The following SERINC5 variants were observed in gnomAD, a reference collection of about 807,000 sequenced individuals.
The protein encoded by SERINC5 is serine incorporator 5.
A neutral mutation model predicts 63.1 loss-of-function variants in SERINC5; 41 were observed. The observed-to-expected ratio is 0.65, with a 90% CI of 0.51 to 0.84. The LOEUF is 0.84. Among genes scored for constraint, SERINC5 ranks in the 40% least tolerant of loss-of-function variants. The pLI is 0.00. For missense variants in SERINC5, 523 were observed against 573.0 expected (o/e 0.91, Z 0.89); for synonymous variants, 222 against 215.2 (o/e 1.03, Z -0.28).
chr5:80,254,377 A>C (rs907309337), intron 1 of SERINC5, among the ~76,000 whole-genome samples: 1 of 152,206 alleles, frequency 6.6e-6, no homozygotes, highest in African/African-American at 2.4e-5. Context: ...AAGTCCTAAG[A>C]GGGGAGACTT....
intron 4 of SERINC5, among the ~76,000 whole-genome samples, chr5:80,176,781 T>A (rs146695840): frequency 1.3e-5 from 2 of 152,146 alleles, no homozygotes; most frequent in East Asian, 1.9e-4. Flanking sequence ...TCCATTTGGG[T>A]TGAACAAAAT....
chr5:80,137,164 C>CA (rs796274001), downstream of SERINC5, among the ~76,000 whole-genome samples: 767 of 79,098 alleles, frequency 9.7e-3, 11 homozygotes, highest in African/African-American at 0.029. Flanking sequence ...AAAAAAAAAA[C>CA]AAAAAAAACA....
rs774707058 is a variant in SERINC5, at chr5:80,202,964, G to A, written c.117C>T (p.Tyr39=). Residue 39 remains tyrosine (Y), a synonymous_variant, in exon 2 of 12, where the codon TAC becomes TAT. Coordinates refer to ENST00000507668, the MANE Select transcript of SERINC5 (RefSeq NM_001174072.3). ...IRQSLSTRFM[Y]ALYFILVVVL... ...CGACGACCAGAATGAAGTAGAGGGC[G>A]TACATGAAGCGGGTGCTGAGGGACT... 62 of 1,613,662 alleles carry A rather than the reference G, an allele frequency of 3.8e-5. 1 individual carries two copies. Among genetic ancestry groups the A allele is most frequent in the East Asian group, 2.5e-4 (11 of 44,886 alleles).
At chr5:80,161,911 G>A (rs921691401) in intron 7 of SERINC5, among the ~76,000 whole-genome samples, 5 of 152,040 alleles carry the variant, frequency 3.3e-5, no homozygotes, top group Non-Finnish European at 7.4e-5. Context: ...ACAGGGGTTC[G>A]GTAGGGGTTC....
At chr5:80,173,402 T>C (rs181815049) in intron 5 of SERINC5, among the ~76,000 whole-genome samples, 3 of 152,070 alleles carry the variant, frequency 2.0e-5, no homozygotes, top group African/African-American at 4.8e-5. Flanking sequence ...GAGACCATCC[T>C]GGCTAACACG....
chr5:80,237,875 C>T lies in SERINC5; in HGVS notation c.27+18021G>A, dbSNP rs371908066. On this transcript the variant is annotated intron_variant, in intron 1 of 11. Coordinates refer to ENST00000507668, the MANE Select transcript of SERINC5 (RefSeq NM_001174072.3). ...TCCCAGCACTTTGGGGAGGCCAAGG[C>T]GGGTGGATCACGAGGTCAAGAGATC... Among the ~76,000 whole-genome samples, 7 of 151,936 alleles carry T rather than the reference C, an allele frequency of 4.6e-5. No individual in the cohort carries two copies. The South Asian group carries it at 6.2e-4, about 14-fold the overall frequency.
rs561223757 is a variant in SERINC5, at chr5:80,173,820, T to A, written c.551+1134A>T. On this transcript the variant is annotated intron_variant, in intron 5 of 11. Coordinates refer to ENST00000507668, the MANE Select transcript of SERINC5 (RefSeq NM_001174072.3). ...TGACACCTTTTCACCTTTCTGCACT[T>A]AAAACAGATTATATTCCTCCCTTTT... 8.5e-4 allele frequency among the ~76,000 whole-genome samples: 130 copies of A among 152,112 alleles called. 1 individual carries two copies. The highest frequency in any genetic ancestry group is 3.0e-3 in the African/African-American group (126 of 41,512).
chr5:80,248,102 T>A (rs758271539), intron 1 of SERINC5, among the ~76,000 whole-genome samples: 28 of 152,158 alleles, frequency 1.8e-4, no homozygotes, highest in Non-Finnish European at 3.5e-4. Flanking sequence ...TCCACCCACC[T>A]CAGCCTCTGA....
At chr5:80,209,264 C>G (rs1750322735) in intron 1 of SERINC5, among the ~76,000 whole-genome samples, 1 of 152,190 alleles carries the variant, frequency 6.6e-6, no homozygotes, top group African/African-American at 2.4e-5. Context: ...GAGCCAGACT[C>G]TGTCTCAACG....
intron 1 of SERINC5, among the ~76,000 whole-genome samples, chr5:80,209,138 G>T (rs1484419807): frequency 6.6e-6 from 1 of 152,180 alleles, no homozygotes; most frequent in Non-Finnish European, 1.5e-5. Context: ...AAGCATGGTG[G>T]CACATGCCTG....
Position 80,138,753 on chromosome 5 carries a change from ATT to A in SERINC5, c.*4908_*4909del, listed in dbSNP as rs920074416. 1.1e-6 allele frequency: 1 copy of A among 924,560 alleles called. No homozygotes were observed. Among genetic ancestry groups the A allele is most frequent in the African/African-American group, 1.8e-5 (1 of 55,924 alleles). The allele number at this position is 924,560 out of a possible 1,614,324, so 57.3% of individuals were successfully genotyped here. A position where few individuals can be genotyped will look rare whatever the true frequency, so the allele number is the denominator to read the frequency against. ...TGCACACCACAGATATATATCTTTTATTTGTCAATTAAAGGATCAGCATAGAC... is the reference window on the plus strand; with the variant it reads ...TGCACACCACAGATATATATCTTTTATGTCAATTAAAGGATCAGCATAGAC... On this transcript the variant is annotated 3_prime_UTR_variant, in exon 12 of 12. Coordinates refer to ENST00000507668, the MANE Select transcript of SERINC5 (RefSeq NM_001174072.3).
At chr5:80,228,807 T>C (rs930378113) in intron 1 of SERINC5, among the ~76,000 whole-genome samples, 3 of 152,024 alleles carry the variant, frequency 2.0e-5, no homozygotes, top group Non-Finnish European at 4.4e-5. Context: ...ATTTCCCACA[T>C]AATTCATGGT....
chr5:80,190,039 TG>T, intron 2 of SERINC5, among the ~76,000 whole-genome samples: 1 of 151,928 alleles, frequency 6.6e-6, no homozygotes, highest in East Asian at 1.9e-4. Flanking sequence ...TTCTTAAATG[TG>T]TGGACCTGAA....
rs138142605 is a variant in SERINC5 at position 80,186,091 on chromosome 5, C to T, written c.196-8027G>A. On this transcript the variant is annotated intron_variant, in intron 2 of 11. Coordinates refer to ENST00000507668, the MANE Select transcript of SERINC5 (RefSeq NM_001174072.3). The stretch of plus-strand genomic sequence containing the variant: ...TCTATTCACTTTACCAAAGGATCTA[C>T]TACCTTTGGATTGAAAGATTAACTT... Among the ~76,000 whole-genome samples, 717 of 128,076 alleles carry T rather than the reference C, an allele frequency of 5.6e-3. 3 individuals are homozygous for T. The highest frequency in any genetic ancestry group is 0.02 in the African/African-American group (685 of 34,242). 84.0% of individuals were successfully genotyped at this position (128,076 alleles called of 152,430 possible).
chr5:80,146,967 A>T (rs1171077989), intron 10 of SERINC5, among the ~76,000 whole-genome samples: 1 of 152,098 alleles, frequency 6.6e-6, no homozygotes, highest in African/African-American at 2.4e-5. Flanking sequence ...ACTCCTTTTT[A>T]AAAAATGTGC....
chr5:80,173,150 GGAAAGGAAA>G (rs903421423), intron 5 of SERINC5, among the ~76,000 whole-genome samples: 1 of 144,498 alleles, frequency 6.9e-6, no homozygotes, highest in Non-Finnish European at 1.5e-5. Flanking sequence ...GAAAGAAAGA[GGAAAGGAAA>G]GAAAGGAAAG....
At chr5:80,222,569 A>T (rs72776277) in intron 1 of SERINC5, among the ~76,000 whole-genome samples, 72,653 of 131,744 alleles carry the variant, frequency 0.55, 18,150 homozygotes, top group African/African-American at 0.63. Context: ...TGAGTGTGTG[A>T]GTGTGTGTGT....
At chr5:80,161,038 A>ATATATATACACACGTG (rs1746885158) in intron 7 of SERINC5, among the ~76,000 whole-genome samples, 2 of 123,972 alleles carry the variant, frequency 1.6e-5, no homozygotes, top group Non-Finnish European at 3.2e-5. Context: ...ACACACGTGT[A>ATATATATACACACGTG]TATATATATA....
intron 2 of SERINC5, among the ~76,000 whole-genome samples, chr5:80,181,121 G>A (rs577648273): frequency 1.3e-5 from 2 of 152,306 alleles, no homozygotes; most frequent in Non-Finnish European, 2.9e-5. Context: ...GGGGGGCAAG[G>A]TGCGAGGGGA....
Sources: gnomAD v4.1 joint callset for allele counts (sites outside exome capture counted in the v4.1 genomes callset) on GRCh38, gnomAD v4.1.1 for gene constraint, MANE v1.5 for transcripts, NCBI Gene and HGNC (gene_info 2026-07-23, HGNC 2026-07-21) for gene names.